Variants in OPA3 observed in about 807,000 individuals in gnomAD.
The protein encoded by OPA3 is outer mitochondrial membrane lipid metabolism regulator OPA3.
A neutral mutation model predicts 4.0 loss-of-function variants in OPA3; 6 were observed. The observed-to-expected ratio is 1.51, with a 90% CI of 0.83 to 2.99. OPA3 has a LOEUF of 2.99. Ranked by LOEUF, OPA3 falls within the 30% of genes most tolerant of loss-of-function variation. The pLI is 0.00. For synonymous variants in OPA3, 105 were observed against 117.1 expected (o/e 0.90, Z 0.67); for missense variants, 235 against 256.2 (o/e 0.92, Z 0.56).
intron 1 of OPA3, among the ~76,000 whole-genome samples, chr19:45,562,343 CAAAAAAA>C (rs1218744939): frequency 2.9e-5 from 2 of 69,540 alleles, no homozygotes; most frequent in Non-Finnish European, 5.4e-5. Context: ...GACTCCATCT[CAAAAAAA>C]AAAAAAAAAA....
At chr19:45,577,509 T>A (rs2122509399) in intron 1 of OPA3, among the ~76,000 whole-genome samples, 1 of 152,310 alleles carries the variant, frequency 6.6e-6, no homozygotes, top group East Asian at 1.9e-4. Flanking sequence ...CATCTCCAAC[T>A]CGACCTGTCC....
chr19:45,560,769 GCCC>G (rs752412827), intron 1 of OPA3, among the ~76,000 whole-genome samples: 8 of 152,098 alleles, frequency 5.3e-5, no homozygotes, highest in Non-Finnish European at 8.8e-5. Flanking sequence ...ATCTCTCTCA[GCCC>G]CGGAGCTCCA....
At chr19:45,533,384 T>C (rs907211300) in intron 1 of OPA3, among the ~76,000 whole-genome samples, 1 of 152,046 alleles carries the variant, frequency 6.6e-6, no homozygotes, top group Non-Finnish European at 1.5e-5. Context: ...TTAGTAGAGA[T>C]GGGGTTTCAC....
chr19:45,535,594 A>G lies in OPA3; in HGVS notation c.143-6138T>C, dbSNP rs546132644. ...GGCTGGTCTCGAACTCCTGGGCTCA[A>G]GCGATCCAACTGCCTTGACCTCCCA... On this transcript the variant is annotated intron_variant, in intron 1 of 1. Coordinates refer to the OPA3 transcript ENST00000323060. 7.9e-5 allele frequency among the ~76,000 whole-genome samples: 12 copies of G among 152,040 alleles called. No individual in the cohort carries two copies. The East Asian group carries it at 1.9e-3, about 25-fold the overall frequency.
At chr19:45,536,277 C>T (rs1466412671) in intron 1 of OPA3, among the ~76,000 whole-genome samples, 5 of 149,950 alleles carry the variant, frequency 3.3e-5, no homozygotes, top group Admixed American at 6.7e-5. Flanking sequence ...GGCACGGTGG[C>T]TCATGCCTGT....
At chr19:45,554,506 A>G (rs971940993) in intron 1 of OPA3, among the ~76,000 whole-genome samples, 1 of 152,232 alleles carries the variant, frequency 6.6e-6, no homozygotes, top group African/African-American at 2.4e-5. Context: ...TTTTGGGCAC[A>G]TACCTTGGTG....
rs149108555 is a variant in OPA3 at position 45,540,314 on chromosome 19, C to G, written c.143-10858G>C. ...CCTGGGTGCCAGAGCGAGACTCTGTCTCAAAAAAAATAAAAAATAAAAAAT... is the reference window on the plus strand; with the variant it reads ...CCTGGGTGCCAGAGCGAGACTCTGTGTCAAAAAAAATAAAAAATAAAAAAT... On this transcript the variant is annotated intron_variant, in intron 1 of 1. Coordinates refer to the OPA3 transcript ENST00000323060. Among the ~76,000 whole-genome samples, 1,128 of 148,436 alleles carry G rather than the reference C, an allele frequency of 7.6e-3. 14 individuals are homozygous for G. The highest frequency in any genetic ancestry group is 0.026 in the African/African-American group (1,029 of 39,988).
intron 1 of OPA3, among the ~76,000 whole-genome samples, chr19:45,573,586 A>C (rs950352992): frequency 6.6e-6 from 1 of 152,196 alleles, no homozygotes; most frequent in Non-Finnish European, 1.5e-5. Context: ...ACTGAGGCCC[A>C]GAGAGGTTAA....
At position 45,552,588 on chromosome 19, in the gene OPA3, C is replaced by G. The variant is rs1200203973; in HGVS notation, c.*926G>C. The G allele has an allele frequency of 6.8e-6, 1 of 147,938 alleles. No individual in the cohort carries two copies. Among genetic ancestry groups the G allele is most frequent in the Non-Finnish European group, 1.5e-5 (1 of 67,376 alleles). 9.2% of individuals were successfully genotyped at this position (147,938 alleles called of 1,614,324 possible). A position where few individuals can be genotyped will look rare whatever the true frequency, so the allele number is the denominator to read the frequency against. On this transcript the variant is annotated 3_prime_UTR_variant, in exon 2 of 2. Coordinates refer to ENST00000263275, the MANE Select transcript of OPA3 (RefSeq NM_025136.4). ...TCACCCGGGCTGGAATACAGTGGTA[C>G]AATCTTGGCCTCCACCTCCCAAGTT...
intron 1 of OPA3, among the ~76,000 whole-genome samples, chr19:45,574,053 C>T (rs968973015): frequency 6.7e-6 from 1 of 149,968 alleles, no homozygotes; most frequent in African/African-American, 2.5e-5. Flanking sequence ...ATCCCAGCTA[C>T]TCAGGAAGGC....
intron 1 of OPA3, among the ~76,000 whole-genome samples, chr19:45,571,449 C>G (rs1388384768): frequency 6.6e-6 from 1 of 152,126 alleles, no homozygotes; most frequent in African/African-American, 2.4e-5. Context: ...GCCTGGCTGA[C>G]TGCTAAATAA....
intron 1 of OPA3, among the ~76,000 whole-genome samples, chr19:45,572,372 GA>G (rs1385389202): frequency 8.4e-6 from 1 of 118,478 alleles, no homozygotes; most frequent in Non-Finnish European, 1.7e-5. Flanking sequence ...GATATATATC[GA>G]TATATATCTC....
At chr19:45,533,634 C>T (rs547648246) in intron 1 of OPA3, among the ~76,000 whole-genome samples, 6 of 152,302 alleles carry the variant, frequency 3.9e-5, no homozygotes, top group African/African-American at 9.6e-5. Context: ...CCAGTAAGTC[C>T]GTACTCCAGG....
rs1163675739 is a variant in OPA3, at chr19:45,550,644, T to G, written c.*2870A>C. The G allele has an allele frequency of 8.1e-6, 8 of 985,932 alleles. No homozygotes were observed. In the African/African-American group the frequency reaches 1.4e-4, roughly 17 times the overall value. 61.1% of individuals were successfully genotyped at this position (985,932 alleles called of 1,614,324 possible). A position where few individuals can be genotyped will look rare whatever the true frequency, so the allele number is the denominator to read the frequency against. ...CCTTTGCTTACCCCTGGCCTTAGTTTCCCCAGCTCATAGGGTGACTCTTGG... is the reference window on the plus strand; with the variant it reads ...CCTTTGCTTACCCCTGGCCTTAGTTGCCCCAGCTCATAGGGTGACTCTTGG... On this transcript the variant is annotated 3_prime_UTR_variant, in exon 2 of 2. Coordinates refer to ENST00000263275, the MANE Select transcript of OPA3 (RefSeq NM_025136.4).
chr19:45,583,441 C>T (rs1969885565), intron 1 of OPA3, among the ~76,000 whole-genome samples: 1 of 151,950 alleles, frequency 6.6e-6, no homozygotes, highest in Non-Finnish European at 1.5e-5. Context: ...CGTGAGCCAC[C>T]GCGCCCGGCA....
intron 1 of OPA3, among the ~76,000 whole-genome samples, chr19:45,561,219 G>C (rs1334892164): frequency 6.6e-6 from 1 of 152,140 alleles, no homozygotes; most frequent in Non-Finnish European, 1.5e-5. Flanking sequence ...TGTAATCCCA[G>C]CTACTCGGGA....
chr19:45,554,665 T>C (rs1969394270), intron 1 of OPA3, among the ~76,000 whole-genome samples: 1 of 152,248 alleles, frequency 6.6e-6, no homozygotes, highest in South Asian at 2.1e-4. Context: ...ACAATTAATA[T>C]TCATCCAAGG....
chr19:45,529,408 T>C (rs1320752124), exon 2 of OPA3: 6 of 1,614,194 alleles, frequency 3.7e-6, no homozygotes, highest in African/African-American at 2.7e-5. Flanking sequence ...GGCAGCGGCA[T>C]TGAAACCCAT....
At chr19:45,559,353 TTTTC>T (rs1033667235) in intron 1 of OPA3, among the ~76,000 whole-genome samples, 7 of 151,504 alleles carry the variant, frequency 4.6e-5, no homozygotes, top group African/African-American at 1.2e-4. Flanking sequence ...CTTTCTTTTC[TTTTC>T]TTTCTTTCTC....
Sources: gnomAD v4.1 joint callset for allele counts (sites outside exome capture counted in the v4.1 genomes callset) on GRCh38, gnomAD v4.1.1 for gene constraint, MANE v1.5 for transcripts, NCBI Gene and HGNC (gene_info 2026-07-23, HGNC 2026-07-21) for gene names.